MACROD2: variants seen among roughly 807,000 people sequenced by gnomAD.
The protein encoded by MACROD2 is mono-ADP ribosylhydrolase 2, also known as ADP-ribose glycohydrolase MACROD2.
In MACROD2, 36 loss-of-function variants were observed where a neutral mutation model predicts 70.4. That is an observed-to-expected ratio of 0.51 (90% CI 0.39 to 0.68). The LOEUF is 0.68. Ranked by LOEUF, MACROD2 falls within the 30% of genes least tolerant of loss-of-function variation. The pLI, the probability that MACROD2 is intolerant of heterozygous loss-of-function variation, is 0.00. For missense variants in MACROD2, 496 were observed against 538.4 expected (o/e 0.92, Z 0.78); for synonymous variants, 172 against 178.8 (o/e 0.96, Z 0.30).
chr20:14,013,674 CTTTTT>C (rs34386274), intron 2 of MACROD2, among the ~76,000 whole-genome samples: 3 of 70,944 alleles, frequency 4.2e-5, no homozygotes, highest in Admixed American at 2.1e-4. Context: ...TTATATTAAG[CTTTTT>C]TTTTTTTTTT....
chr20:14,086,671 A>C (rs2054079933), intron 3 of MACROD2, among the ~76,000 whole-genome samples: 1 of 152,224 alleles, frequency 6.6e-6, no homozygotes, highest in South Asian at 2.1e-4. Flanking sequence ...GAAGGAGAGG[A>C]GCCTGACTAA....
chr20:15,678,634 T>C (rs992356863), intron 8 of MACROD2, among the ~76,000 whole-genome samples: 2 of 152,018 alleles, frequency 1.3e-5, no homozygotes, highest in Non-Finnish European at 2.9e-5. Context: ...AAAAAATAAA[T>C]AAATAAAATG....
intron 8 of MACROD2, among the ~76,000 whole-genome samples, chr20:15,546,954 G>A (rs997889156): frequency 1.3e-5 from 2 of 152,142 alleles, no homozygotes; most frequent in Non-Finnish European, 2.9e-5. Flanking sequence ...CAAAATGAAT[G>A]TCCCTATTAC....
rs959628077 is a variant in MACROD2 at position 15,073,562 on chromosome 20, G to A, written c.419-156378G>A. Reference sequence around the variant, plus strand: ...ACTATAACTTGGAAAAAATGCTTTAGAGAAATCACTTCAGGATGGTGGAAA... The same window carrying A: ...ACTATAACTTGGAAAAAATGCTTTAAAGAAATCACTTCAGGATGGTGGAAA... On this transcript the variant is annotated intron_variant, in intron 5 of 17. Transcript: ENST00000684519. Among the ~76,000 whole-genome samples, 3 of 151,308 alleles carry A rather than the reference G, an allele frequency of 2.0e-5. No homozygotes were observed. The East Asian group carries it at 5.8e-4, about 29-fold the overall frequency.
chr20:14,227,608 G>A (rs1021464803), intron 3 of MACROD2, among the ~76,000 whole-genome samples: 5 of 152,168 alleles, frequency 3.3e-5, no homozygotes, highest in East Asian at 1.9e-4. Context: ...AACAAACTCC[G>A]GACACGCTGC....
At chr20:16,033,207 G>C (rs978792895) in intron 15 of MACROD2, among the ~76,000 whole-genome samples, 1 of 152,052 alleles carries the variant, frequency 6.6e-6, no homozygotes, top group African/African-American at 2.4e-5. Flanking sequence ...GTCAGAAAGA[G>C]AGACTGTGTG....
chr20:14,558,586 A>G (rs2084712649), intron 4 of MACROD2, among the ~76,000 whole-genome samples: 1 of 151,796 alleles, frequency 6.6e-6, no homozygotes, highest in African/African-American at 2.4e-5. Flanking sequence ...TATTAGAGCT[A>G]AAGAGAGACA....
intron 7 of MACROD2, among the ~76,000 whole-genome samples, chr20:15,470,588 T>C (rs2046951986): frequency 6.6e-6 from 1 of 152,168 alleles, no homozygotes; most frequent in African/African-American, 2.4e-5. Context: ...CCTGCAGAGA[T>C]ACCACCAATC....
At chr20:14,031,972 A>G (rs1408413136) in intron 2 of MACROD2, among the ~76,000 whole-genome samples, 1 of 152,116 alleles carries the variant, frequency 6.6e-6, no homozygotes, top group African/African-American at 2.4e-5. Context: ...TAACCTAGAC[A>G]GTCTGGCATT....
At chr20:14,889,606 C>T (rs749824914) in intron 5 of MACROD2, among the ~76,000 whole-genome samples, 2 of 152,062 alleles carry the variant, frequency 1.3e-5, no homozygotes, top group East Asian at 1.9e-4. Context: ...AAGTGAGGAC[C>T]GTAAGGAGGT....
At chr20:14,764,946 C>G (rs1038184017) in intron 5 of MACROD2, among the ~76,000 whole-genome samples, 1 of 152,054 alleles carries the variant, frequency 6.6e-6, no homozygotes, top group African/African-American at 2.4e-5. Context: ...TAAAACTATA[C>G]TGCTTGGCAG....
chr20:14,125,232 G>T (rs953392377), intron 3 of MACROD2, among the ~76,000 whole-genome samples: 1 of 152,092 alleles, frequency 6.6e-6, no homozygotes, highest in Non-Finnish European at 1.5e-5. Context: ...AAAGGTGGTG[G>T]TTGCACAACA....
chr20:14,806,294 C>G (rs1400669669), intron 5 of MACROD2, among the ~76,000 whole-genome samples: 1 of 152,038 alleles, frequency 6.6e-6, no homozygotes, highest in East Asian at 1.9e-4. Flanking sequence ...TGGGTGCAGC[C>G]CATGGAGGGC....
At chr20:14,813,234 G>C (rs904817380) in intron 5 of MACROD2, among the ~76,000 whole-genome samples, 11 of 151,442 alleles carry the variant, frequency 7.3e-5, no homozygotes, top group African/African-American at 2.7e-4. Flanking sequence ...GGGTGTGCAG[G>C]TTTGTTTCAT....
At chr20:14,548,265 T>C (rs998240468) in intron 4 of MACROD2, among the ~76,000 whole-genome samples, 2 of 152,172 alleles carry the variant, frequency 1.3e-5, no homozygotes, top group Non-Finnish European at 2.9e-5. Context: ...TTGCTGTTTC[T>C]TGAGTAAATG....
At chr20:14,275,723 A>G (rs1239811660) in intron 3 of MACROD2, among the ~76,000 whole-genome samples, 1 of 152,204 alleles carries the variant, frequency 6.6e-6, no homozygotes, top group Non-Finnish European at 1.5e-5. Flanking sequence ...AATTTTCACA[A>G]CCTACTCATC....
chr20:15,490,574 A>G (rs1296185982), intron 7 of MACROD2, among the ~76,000 whole-genome samples: 1 of 152,102 alleles, frequency 6.6e-6, no homozygotes, highest in Non-Finnish European at 1.5e-5. Flanking sequence ...GGAGTTTTCA[A>G]TATAAATCCA....
At chr20:14,544,659 A>G (rs6131591) in intron 4 of MACROD2, among the ~76,000 whole-genome samples, 20,892 of 152,014 alleles carry the variant, frequency 0.14, 1,823 homozygotes, top group South Asian at 0.35. Context: ...AATTTATGTG[A>G]GAGGTAATCT....
intron 3 of MACROD2, among the ~76,000 whole-genome samples, chr20:14,412,514 C>A (rs2083760909): frequency 6.6e-6 from 1 of 152,196 alleles, no homozygotes; most frequent in East Asian, 1.9e-4. Context: ...AGTTGAATTT[C>A]AGAATCCATA....
Sources: gnomAD v4.1 joint callset for allele counts (sites outside exome capture counted in the v4.1 genomes callset) on GRCh38, gnomAD v4.1.1 for gene constraint, MANE v1.5 for transcripts, NCBI Gene and HGNC (gene_info 2026-07-23, HGNC 2026-07-21) for gene names.